NLGN1: variants seen among roughly 807,000 people sequenced by gnomAD.
The protein encoded by NLGN1 is neuroligin-1.
In NLGN1, 12 loss-of-function variants were observed where a neutral mutation model predicts 65.5. That is an observed-to-expected ratio of 0.18 (90% CI 0.12 to 0.30). The LOEUF (loss-of-function observed/expected upper bound fraction) is 0.30, where lower values mean the gene tolerates loss of function less well. Among genes scored for constraint, NLGN1 ranks in the 10% least tolerant of loss-of-function variants. The probability of loss-of-function intolerance (pLI) is 1.00; values close to 1 mark genes in which losing one functional copy is unlikely to be tolerated. For missense variants in NLGN1, 750 were observed against 1,007.1 expected, an observed-to-expected ratio of 0.74 and a Z score of 3.46; for synonymous variants, 350 against 359.5, an observed-to-expected ratio of 0.97 and a Z score of 0.30.
chr3:173,914,285 T>G (rs1469571997), intron 4 of NLGN1, among the ~76,000 whole-genome samples: 1 of 152,160 alleles, frequency 6.6e-6, no homozygotes, highest in Non-Finnish European at 1.5e-5. Context: ...CTACAACCTC[T>G]CACATTCACT....
chr3:173,904,030 G>A (rs947410127), intron 4 of NLGN1, among the ~76,000 whole-genome samples: 9 of 151,868 alleles, frequency 5.9e-5, no homozygotes, highest in African/African-American at 1.9e-4. Flanking sequence ...ATTTTTGAAG[G>A]ACTTTTATAT....
chr3:173,564,995 T>C (rs781431072), intron 2 of NLGN1, among the ~76,000 whole-genome samples: 2 of 152,040 alleles, frequency 1.3e-5, no homozygotes, highest in African/African-American at 2.4e-5. Flanking sequence ...ACTCTAGAAG[T>C]TGAGGTTCTG....
chr3:174,030,469 A>T (rs1354480829), intron 4 of NLGN1, among the ~76,000 whole-genome samples: 1 of 152,168 alleles, frequency 6.6e-6, no homozygotes, highest in Non-Finnish European at 1.5e-5. Flanking sequence ...AAGACTCAGT[A>T]TCTTGCCCAA....
At chr3:173,729,940 TA>T (rs1772494706) in intron 3 of NLGN1, among the ~76,000 whole-genome samples, 1 of 151,998 alleles carries the variant, frequency 6.6e-6, no homozygotes, top group Admixed American at 6.6e-5. Flanking sequence ...CTATGGGACT[TA>T]AAGTTTCTGA....
chr3:173,780,678 G>A (rs896778337), intron 3 of NLGN1, among the ~76,000 whole-genome samples: 14 of 152,278 alleles, frequency 9.2e-5, no homozygotes, highest in African/African-American at 3.4e-4. Context: ...AGTCAGTAGA[G>A]ATGTGTGCAC....
intron 1 of NLGN1, among the ~76,000 whole-genome samples, chr3:173,414,862 T>C (rs1002585649): frequency 6.6e-6 from 1 of 152,060 alleles, no homozygotes; most frequent in African/African-American, 2.4e-5. Context: ...ACAATAGGAA[T>C]CAGATAAGAA....
downstream of NLGN1, among the ~76,000 whole-genome samples, chr3:174,289,492 A>T (rs932061330): frequency 6.6e-5 from 10 of 151,408 alleles, no homozygotes; most frequent in African/African-American, 9.7e-5. Flanking sequence ...TCCCATGTAA[A>T]ACATTTGCCT....
Position 174,266,046 on chromosome 3 carries a change from A to AT in NLGN1, c.647-9259dup, listed in dbSNP as rs57391307. On this transcript the variant is annotated intron_variant, in intron 4 of 6. Coordinates refer to ENST00000457714, the Ensembl canonical transcript of NLGN1. Reference sequence around the variant, plus strand: ...TGTGTGTGTGTGTATATATATATATATTTTTTTTTTCTTTCCAACTTTTAT... The same window carrying AT: ...TGTGTGTGTGTGTATATATATATATATTTTTTTTTTTCTTTCCAACTTTTAT... 7.5e-3 allele frequency among the ~76,000 whole-genome samples: 1,094 copies of AT among 145,438 alleles called. 16 individuals carry two copies. The highest frequency in any genetic ancestry group is 0.026 in the African/African-American group (1,020 of 39,398).
chr3:173,675,503 A>G (rs552059300), intron 3 of NLGN1, among the ~76,000 whole-genome samples: 1 of 152,180 alleles, frequency 6.6e-6, no homozygotes, highest in Non-Finnish European at 1.5e-5. Flanking sequence ...TCATCTGATT[A>G]TCAAACCATA....
intron 5 of NLGN1, among the ~76,000 whole-genome samples, chr3:174,276,221 CCATTTTCTGGCTTT>C (rs1750536243): frequency 6.6e-6 from 1 of 151,780 alleles, no homozygotes; most frequent in Non-Finnish European, 1.5e-5. Context: ...TTTCTCGTTT[CCATTTTCTGGCTTT>C]GACATATTTT....
chr3:173,851,464 T>C (rs999864748), intron 4 of NLGN1, among the ~76,000 whole-genome samples: 16 of 152,208 alleles, frequency 1.1e-4, no homozygotes, highest in Non-Finnish European at 2.2e-4. Flanking sequence ...TTTTAACTCA[T>C]ATTTTACAAA....
intron 4 of NLGN1, among the ~76,000 whole-genome samples, chr3:173,905,573 G>A (rs1738221304): frequency 6.6e-6 from 1 of 152,170 alleles, no homozygotes; most frequent in African/African-American, 2.4e-5. Flanking sequence ...CCTCCCTTGA[G>A]CATACACTGG....
At chr3:174,233,554 C>T (rs1015170080) in intron 4 of NLGN1, among the ~76,000 whole-genome samples, 5 of 151,874 alleles carry the variant, frequency 3.3e-5, no homozygotes, top group South Asian at 2.1e-4. Context: ...ACCTCTTGAA[C>T]AGACAAGAAT....
intron 1 of NLGN1, among the ~76,000 whole-genome samples, chr3:173,432,449 T>C (rs1295959052): frequency 1.3e-5 from 2 of 152,156 alleles, no homozygotes; most frequent in East Asian, 3.9e-4. Flanking sequence ...ACCTCGTTAG[T>C]GTTTTAAGTT....
At chr3:173,456,987 G>A (rs1011047332) in intron 2 of NLGN1, among the ~76,000 whole-genome samples, 1 of 152,016 alleles carries the variant, frequency 6.6e-6, no homozygotes, top group Non-Finnish European at 1.5e-5. Context: ...ACCATGGGAG[G>A]GTGATACCCT....
chr3:174,112,696 C>G (rs552933919), intron 4 of NLGN1, among the ~76,000 whole-genome samples: 20 of 151,952 alleles, frequency 1.3e-4, no homozygotes, highest in African/African-American at 4.6e-4. Context: ...CAGTAGAAGA[C>G]AAGATTAAAT....
intron 4 of NLGN1, among the ~76,000 whole-genome samples, chr3:173,873,470 CAT>C (rs1395818444): frequency 6.6e-6 from 1 of 152,056 alleles, no homozygotes; most frequent in Admixed American, 6.6e-5. Context: ...GAAAAACTAA[CAT>C]AACTATTTGA....
chr3:173,881,545 C>T (rs945315619), intron 4 of NLGN1, among the ~76,000 whole-genome samples: 6 of 151,710 alleles, frequency 4.0e-5, no homozygotes, highest in Admixed American at 2.0e-4. Context: ...CTGCCTCAGC[C>T]TCCCGAGTAG....
intron 1 of NLGN1, among the ~76,000 whole-genome samples, chr3:173,412,748 T>G (rs958968848): frequency 6.6e-6 from 1 of 152,222 alleles, no homozygotes; most frequent in Non-Finnish European, 1.5e-5. Flanking sequence ...TTCTTAGTAC[T>G]GCTCAGCCTT....
Sources: allele counts gnomAD v4.1 joint callset (sites outside exome capture counted in the v4.1 genomes callset), GRCh38; gene constraint gnomAD v4.1.1; transcripts MANE v1.5; gene names NCBI Gene and HGNC (gene_info 2026-07-23, HGNC 2026-07-21).